Variants in ZCWPW1 observed in about 807,000 individuals in gnomAD.
ZCWPW1 encodes zinc finger CW-type and PWWP domain containing 1.
ZCWPW1 carries 56 observed loss-of-function variants against 81.3 expected under a neutral mutation model. The ratio of observed to expected loss-of-function variants is 0.69; its 90% confidence interval spans 0.56 to 0.86. The LOEUF (loss-of-function observed/expected upper bound fraction) is 0.86, where lower values mean the gene tolerates loss of function less well. Ranked by LOEUF, ZCWPW1 falls within the 40% of genes least tolerant of loss-of-function variation. The pLI is 0.00. For missense variants in ZCWPW1, 650 were observed against 769.8 expected, an observed-to-expected ratio of 0.84 and a Z score of 1.84; for synonymous variants, 250 against 273.7, an observed-to-expected ratio of 0.91 and a Z score of 0.86.
At chr7:100,425,170 A>G (rs1012825095) in intron 1 of ZCWPW1, 34 bp from the exon 2 acceptor site, 2 of 152,232 alleles carry the variant, frequency 1.3e-5, no homozygotes, top group Non-Finnish European at 2.9e-5. Context: ...AAATATAGAC[A>G]GTTAATAAAA....
intron 2 of ZCWPW1, among the ~76,000 whole-genome samples, chr7:100,421,471 C>G (rs1796334068): frequency 6.6e-6 from 1 of 152,160 alleles, no homozygotes; most frequent in Non-Finnish European, 1.5e-5. Context: ...TTTATTTTCC[C>G]TTTCTTAGAT....
intron 9 of ZCWPW1, 104 bp downstream of exon 9, chr7:100,409,324 G>A: frequency 1.1e-6 from 1 of 899,278 alleles, no homozygotes; most frequent in East Asian, 2.5e-5. Flanking sequence ...CAAGGACACT[G>A]AGTGCTAACT....
chr7:100,404,960 C>G, intron 13 of ZCWPW1, 53 bp downstream of exon 13: 1 of 1,545,550 alleles, frequency 6.5e-7, no homozygotes, highest in Non-Finnish European at 8.9e-7. Flanking sequence ...AGAAAGAATC[C>G]CCCTTGTCCA....
chr7:100,425,622 C>A (rs889671176), intron 1 of ZCWPW1, among the ~76,000 whole-genome samples: 1 of 152,172 alleles, frequency 6.6e-6, no homozygotes, highest in Non-Finnish European at 1.5e-5. Flanking sequence ...CTGTATTAAG[C>A]TGGATTTTCT....
intron 8 of ZCWPW1, among the ~76,000 whole-genome samples, chr7:100,410,422 T>A (rs1342787292): frequency 6.6e-6 from 1 of 152,116 alleles, no homozygotes; most frequent in East Asian, 1.9e-4. Flanking sequence ...GGACAGAAAG[T>A]CAGGCTGGCA....
intron 10 of ZCWPW1, among the ~76,000 whole-genome samples, chr7:100,407,652 C>CA (rs967744915): frequency 1.3e-5 from 2 of 152,142 alleles, no homozygotes; most frequent in African/African-American, 4.8e-5. Flanking sequence ...CTCAACCTCC[C>CA]AAAGTGCTGG....
chr7:100,412,707 G>A (rs866061837), intron 8 of ZCWPW1, among the ~76,000 whole-genome samples: 4 of 151,628 alleles, frequency 2.6e-5, no homozygotes, highest in Non-Finnish European at 4.4e-5. Context: ...TCAGCCTCCC[G>A]AATAGCTGGG....
intron 16 of ZCWPW1, 67 bp from the exon 17 acceptor site, chr7:100,402,108 C>A (rs751312249): frequency 1.2e-4 from 180 of 1,531,182 alleles, no homozygotes; most frequent in Non-Finnish European, 1.5e-4. Flanking sequence ...ATGGACACTG[C>A]ACATTGAGTT....
rs1563151947 is a variant in ZCWPW1, at chr7:100,425,089, C to G, written c.-89G>C. ...TTTCTGATAACTCAGGTTGCCCCTC[C>G]TCTGTTTCAGGTGAATTAACTTCTT... On this transcript the variant is annotated 5_prime_UTR_variant, in exon 2 of 18. Coordinates refer to ENST00000684423, the MANE Select transcript of ZCWPW1 (RefSeq NM_001386010.1). 1 of 152,172 alleles carries G rather than the reference C, an allele frequency of 6.6e-6. No individual in the cohort carries two copies. Among genetic ancestry groups the G allele is most frequent in the Non-Finnish European group, 1.5e-5 (1 of 68,042 alleles). 9.4% of individuals were successfully genotyped at this position (152,172 alleles called of 1,614,324 possible). A position where few individuals can be genotyped will look rare whatever the true frequency, so the allele number is the denominator to read the frequency against.
At chr7:100,405,236 T>C (rs577599726) in intron 12 of ZCWPW1, 143 bp from the exon 13 acceptor site, 3 of 630,898 alleles carry the variant, frequency 4.8e-6, no homozygotes, top group East Asian at 3.6e-5. Flanking sequence ...AACACCAGCC[T>C]GGCCAAGATG....
rs748742165 is a variant in ZCWPW1, at chr7:100,407,272, A to T, written c.1024T>A (p.Leu342Ile). ...WPGMIESDPDLGEYFLFTSHL... is the reference protein window; with the variant it reads ...WPGMIESDPDIGEYFLFTSHL... ...GAAGTAAAAAGAAAATATTCCCCTA[A>T]GTCAGGATCAGATTCTATCATGCCT... Residue 342 changes from leucine (L) to isoleucine (I), a missense_variant, in exon 11 of 18, where the codon TTA becomes ATA. By Grantham distance (5) the Leu-to-Ile change is conservative. Coordinates refer to ENST00000684423, the MANE Select transcript of ZCWPW1 (RefSeq NM_001386010.1). 1 of 1,613,864 alleles carries T rather than the reference A, an allele frequency of 6.2e-7. No homozygotes were observed.
At chr7:100,419,589 T>C (rs746467512) in intron 4 of ZCWPW1, 41 bp downstream of exon 4, 7 of 1,570,908 alleles carry the variant, frequency 4.5e-6, no homozygotes, top group South Asian at 1.2e-5. Flanking sequence ...GGGTAAGGTA[T>C]GAGAAAATCT....
chr7:100,417,501 A>G (rs67315960), intron 5 of ZCWPW1: 35,674 of 212,212 alleles, frequency 0.17, 3,294 homozygotes, highest in Middle Eastern at 0.2. Flanking sequence ...GTGGAATGCC[A>G]AACCTCAGGA....
intron 16 of ZCWPW1, 109 bp from the exon 17 acceptor site, chr7:100,402,150 C>T: frequency 1.7e-5 from 24 of 1,401,212 alleles, no homozygotes; most frequent in Non-Finnish European, 2.3e-5. Flanking sequence ...TGCTCAGTTG[C>T]AATCTAGTGA....
chr7:100,401,808 A>G, intron 17 of ZCWPW1, 81 bp downstream of exon 17: 1 of 1,505,274 alleles, frequency 6.6e-7, no homozygotes, highest in Non-Finnish European at 8.9e-7. Flanking sequence ...AAGCTGTAAA[A>G]TGGTTAAGAA....
Position 100,401,959 on chromosome 7 carries a change from T to C in ZCWPW1, c.1557A>G (p.Lys519=), listed in dbSNP as rs375766278. ...TTCTGGGTGCAGGAGGAGCTGTGGA[T>C]TTCCTGCCTAGAGATCTCTTCATTA... ...RKIMKRSLGR[K]STAPPAPRMG... is the part of the protein sequence containing the mutation. The change falls in exon 17 of 18, where the codon AAA becomes AAG. Residue 519 remains lysine, a synonymous_variant. Coordinates refer to ENST00000684423, the MANE Select transcript of ZCWPW1 (RefSeq NM_001386010.1). The C allele has an allele frequency of 6.8e-6, 11 of 1,614,106 alleles. No homozygotes were observed. The highest frequency in any genetic ancestry group is 9.3e-6 in the Non-Finnish European group (11 of 1,180,054).
chr7:100,407,176 T>C, intron 11 of ZCWPW1, 52 bp downstream of exon 11: 1 of 1,539,052 alleles, frequency 6.5e-7, no homozygotes, highest in Non-Finnish European at 9.0e-7. Flanking sequence ...GAGGATGGAT[T>C]TGTTCATTAC....
Position 100,401,942 on chromosome 7 carries a change from G to T in ZCWPW1, c.1574C>A (p.Ala525Glu). 2 of 1,614,200 alleles carry T rather than the reference G, an allele frequency of 1.2e-6. No homozygotes were observed. Among genetic ancestry groups the T allele is most frequent in the Non-Finnish European group, 1.7e-6 (2 of 1,180,040 alleles). ...SLGRKSTAPP[A>E]PRMGRKEGQG... is the part of the protein sequence containing the mutation. ...GCCTTCTTTCCTTCCCATTCTGGGT[G>T]CAGGAGGAGCTGTGGATTTCCTGCC... The change falls in exon 17 of 18, where the codon GCA becomes GAA. Residue 525 changes from alanine to glutamate, a missense_variant. Ala to Glu is a moderately radical substitution (Grantham distance 107, BLOSUM62 -1). Coordinates refer to ENST00000684423, the MANE Select transcript of ZCWPW1 (RefSeq NM_001386010.1).
In ZCWPW1 at chr7:100,419,818, A is replaced by G. The variant is rs775819425; in HGVS notation, c.94T>C (p.Cys32Arg). The change falls in exon 4 of 18, where the codon TGT becomes CGT. Residue 32 changes from cysteine (C) to arginine (R), a missense_variant. Coordinates refer to ENST00000684423, the MANE Select transcript of ZCWPW1 (RefSeq NM_001386010.1). ...PAQKSYSLLP[C>R]SPNSPKEETP... ...TCCTCCTTAGGGGAGTTAGGGCTAC[A>G]AGGTAACAGGCTGTAAGATTTTTGT... is the stretch of plus-strand genomic sequence containing the variant. 6.2e-7 allele frequency: 1 copy of G among 1,611,378 alleles called. No homozygotes were observed. Among genetic ancestry groups the G allele is most frequent in the Admixed American group, 1.7e-5 (1 of 59,280 alleles).
Sources: gnomAD v4.1 joint callset for allele counts (sites outside exome capture counted in the v4.1 genomes callset) on GRCh38, gnomAD v4.1.1 for gene constraint, MANE v1.5 for transcripts, NCBI Gene and HGNC (gene_info 2026-07-23, HGNC 2026-07-21) for gene names.